The following SSBP3 variants were observed in gnomAD, a reference collection of about 807,000 sequenced individuals.
SSBP3 encodes single-stranded DNA-binding protein 3.
A neutral mutation model predicts 69.6 loss-of-function variants in SSBP3; 5 were observed. The observed-to-expected ratio is 0.07, with a 90% CI of 0.04 to 0.15. The LOEUF (loss-of-function observed/expected upper bound fraction) is 0.15. Ranked by LOEUF, SSBP3 falls within the 10% of genes least tolerant of loss-of-function variation. The pLI is 1.00. For missense variants in SSBP3, 312 were observed against 534.0 expected (o/e 0.58, Z 4.10); for synonymous variants, 196 against 193.4 (o/e 1.01, Z -0.11).
At chr1:54,344,419 T>C (rs868128124) in intron 4 of SSBP3, among the ~76,000 whole-genome samples, 2 of 152,184 alleles carry the variant, frequency 1.3e-5, no homozygotes, top group Non-Finnish European at 2.9e-5. Context: ...AGCCCCCTTT[T>C]GAGAATGAAT....
At chr1:54,381,905 G>A (rs1647683550) in intron 4 of SSBP3, among the ~76,000 whole-genome samples, 1 of 152,234 alleles carries the variant, frequency 6.6e-6, no homozygotes, top group African/African-American at 2.4e-5. Context: ...TTTAAGATGT[G>A]CAGTTAGGCT....
At chr1:54,259,757 G>A (rs549037829) in intron 5 of SSBP3, among the ~76,000 whole-genome samples, 6 of 152,322 alleles carry the variant, frequency 3.9e-5, no homozygotes, top group African/African-American at 1.4e-4. Context: ...AGAACCCGAG[G>A]GCGCCGCCGC....
At chr1:54,285,904 G>A (rs999938543) in intron 4 of SSBP3, among the ~76,000 whole-genome samples, 7 of 152,122 alleles carry the variant, frequency 4.6e-5, no homozygotes, top group East Asian at 1.9e-4. Flanking sequence ...CCCCTTTCTC[G>A]TTCTGGGACT....
intron 1 of SSBP3, among the ~76,000 whole-genome samples, chr1:54,405,669 C>G (rs1313330481): frequency 1.3e-5 from 2 of 151,978 alleles, no homozygotes; most frequent in African/African-American, 4.8e-5. Flanking sequence ...CCACTCACCG[C>G]GGGCCCCCGC....
chr1:54,242,395 T>C (rs914799897), intron 10 of SSBP3, among the ~76,000 whole-genome samples, 183 bp from the exon 11 acceptor site: 2 of 152,196 alleles, frequency 1.3e-5, no homozygotes, highest in East Asian at 1.9e-4. Context: ...AATCTATGAA[T>C]TGCTTTAAAT....
chr1:54,288,284 G>C (rs1467765128), intron 4 of SSBP3, among the ~76,000 whole-genome samples: 1 of 152,188 alleles, frequency 6.6e-6, no homozygotes. Flanking sequence ...TGTGTGATCT[G>C]ATCAGGCCTT....
chr1:54,305,950 C>T (rs558243251), intron 4 of SSBP3, among the ~76,000 whole-genome samples: 2 of 151,322 alleles, frequency 1.3e-5, no homozygotes, highest in African/African-American at 4.9e-5. Context: ...CCATGATACC[C>T]TTCCCCAGTC....
chr1:54,312,738 C>T (rs1389454883), intron 4 of SSBP3, among the ~76,000 whole-genome samples: 2 of 152,140 alleles, frequency 1.3e-5, no homozygotes, highest in Non-Finnish European at 1.5e-5. Context: ...ACCACCACAG[C>T]CATGTCAGGG....
chr1:54,249,664 A>C (rs1238325907), intron 9 of SSBP3, among the ~76,000 whole-genome samples: 4 of 152,138 alleles, frequency 2.6e-5, no homozygotes, highest in South Asian at 2.1e-4. Context: ...CCTCAAAAAA[A>C]TAAAATAAAG....
At chr1:54,399,621 T>C (rs989939520) in intron 4 of SSBP3, among the ~76,000 whole-genome samples, 1 of 152,074 alleles carries the variant, frequency 6.6e-6, no homozygotes, top group African/African-American at 2.4e-5. Flanking sequence ...AAAAGATGAA[T>C]AGGATTTGAA....
At chr1:54,391,080 G>A (rs1324748753) in intron 4 of SSBP3, among the ~76,000 whole-genome samples, 3 of 152,256 alleles carry the variant, frequency 2.0e-5, no homozygotes, top group Non-Finnish European at 2.9e-5. Context: ...CAGCCTCTTA[G>A]GTGGAGGTTT....
intron 4 of SSBP3, among the ~76,000 whole-genome samples, chr1:54,324,430 AC>A (rs1396830602): frequency 7.3e-6 from 1 of 137,356 alleles, no homozygotes; most frequent in African/African-American, 2.7e-5. Context: ...CCACCCCCAC[AC>A]CCCTACAGAA....
At chr1:54,249,657 C>CA (rs1190022246) in intron 9 of SSBP3, among the ~76,000 whole-genome samples, 4 of 147,522 alleles carry the variant, frequency 2.7e-5, no homozygotes, top group Non-Finnish European at 6.0e-5. Context: ...AGTAAACCCT[C>CA]AAAAAAATAA....
At chr1:54,315,432 T>C (rs1036547722) in intron 4 of SSBP3, among the ~76,000 whole-genome samples, 1 of 152,106 alleles carries the variant, frequency 6.6e-6, no homozygotes, top group East Asian at 1.9e-4. Flanking sequence ...GACTTGGTGT[T>C]TGGTACAGAA....
In SSBP3 at chr1:54,258,907, C is replaced by T. The variant is rs892752227; in HGVS notation, c.367-758G>A. On this transcript the variant is annotated intron_variant, in intron 5 of 17. Transcript: ENST00000610401. This position sits in a 1 kb window ranked among gnomAD's most constrained non-coding sequence, Gnocchi z 4.5. ...TTTTACTGATGAGGAATCTAAGTCT[C>T]GAGGGATGAAGGAACTTGGCCATGG... Among the ~76,000 whole-genome samples, 5 of 152,096 alleles carry T rather than the reference C, an allele frequency of 3.3e-5. No individual in the cohort carries two copies. Among genetic ancestry groups the T allele is most frequent in the Non-Finnish European group, 7.4e-5 (5 of 68,022 alleles).
intron 9 of SSBP3, among the ~76,000 whole-genome samples, chr1:54,244,207 G>A (rs1010396900): frequency 5.9e-5 from 9 of 152,040 alleles, no homozygotes; most frequent in African/African-American, 2.2e-4. Context: ...AGGTTCAAGC[G>A]ATTCTCATTA....
chr1:54,330,232 G>A (rs960809328), intron 4 of SSBP3, among the ~76,000 whole-genome samples: 4 of 152,116 alleles, frequency 2.6e-5, no homozygotes, highest in African/African-American at 4.8e-5. Context: ...ATCAATCAAC[G>A]TGATTACCAC....
chr1:54,226,828 T>C, exon 18 of SSBP3: 1 of 364,084 alleles, frequency 2.7e-6, no homozygotes, highest in Non-Finnish European at 5.2e-6. Flanking sequence ...CAAAAAAGTG[T>C]CATGTACAGA....
At chr1:54,267,319 C>T (rs1645118953) in intron 5 of SSBP3, among the ~76,000 whole-genome samples, 1 of 152,190 alleles carries the variant, frequency 6.6e-6, no homozygotes, top group Non-Finnish European at 1.5e-5. Flanking sequence ...TGTGCAGAGC[C>T]CACCTCTATC....
Sources: gnomAD v4.1 joint callset for allele counts (sites outside exome capture counted in the v4.1 genomes callset) on GRCh38, gnomAD v4.1.1 for gene constraint, Gnocchi (gnomAD v3.1) non-coding constraint, MANE v1.5 for transcripts, NCBI Gene and HGNC (gene_info 2026-07-23, HGNC 2026-07-21) for gene names.